EVC2: variants seen among roughly 807,000 people sequenced by gnomAD.
EVC2 encodes the protein EvC ciliary complex subunit 2.
EVC2 carries 148 observed loss-of-function variants against 149.3 expected under a neutral mutation model. The ratio of observed to expected loss-of-function variants is 0.99; its 90% CI spans 0.87 to 1.14. EVC2 has a LOEUF of 1.14. Among genes scored for constraint, EVC2 ranks in the 50% most tolerant of loss-of-function variants. The pLI is 0.00. For missense variants in EVC2, 1,854 were observed against 1,627.3 expected, an observed-to-expected ratio of 1.14 and a Z score of -2.40; for synonymous variants, 776 against 649.9, an observed-to-expected ratio of 1.19 and a Z score of -2.95.
intron 1 of EVC2, among the ~76,000 whole-genome samples, chr4:5,702,498 C>A (rs981541998): frequency 2.6e-5 from 4 of 152,206 alleles, no homozygotes; most frequent in African/African-American, 7.2e-5. Flanking sequence ...CCTCCACTGC[C>A]TCCTCCCCTT....
chr4:5,628,163 T>C (rs189524586), intron 12 of EVC2, among the ~76,000 whole-genome samples: 1 of 152,298 alleles, frequency 6.6e-6, no homozygotes, highest in East Asian at 1.9e-4. Context: ...GGAAGGTTTG[T>C]GTCAGGCAGT....
At chr4:5,703,221 C>T (rs893519180) in intron 1 of EVC2, among the ~76,000 whole-genome samples, 6 of 152,148 alleles carry the variant, frequency 3.9e-5, no homozygotes, top group Non-Finnish European at 8.8e-5. Context: ...ATTGATGTTC[C>T]GTGAGGACTT....
intron 16 of EVC2, among the ~76,000 whole-genome samples, chr4:5,612,288 C>T (rs1163917308): frequency 6.6e-6 from 1 of 152,088 alleles, no homozygotes; most frequent in African/African-American, 2.4e-5. Flanking sequence ...AACGGCAATT[C>T]CCAGTTTTTC....
chr4:5,597,899 T>C (rs1713597685), intron 16 of EVC2, among the ~76,000 whole-genome samples: 1 of 112,408 alleles, frequency 8.9e-6, no homozygotes, highest in Non-Finnish European at 1.9e-5. Context: ...TGTACAAAAA[T>C]CACAAGCATT....
intron 14 of EVC2, among the ~76,000 whole-genome samples, chr4:5,621,316 A>C (rs1447669101): frequency 6.6e-6 from 1 of 152,214 alleles, no homozygotes; most frequent in Non-Finnish European, 1.5e-5. Flanking sequence ...TCTTACATAA[A>C]CATTGTCTTC....
At chr4:5,702,268 T>C (rs1389362191) in intron 1 of EVC2, among the ~76,000 whole-genome samples, 2 of 152,136 alleles carry the variant, frequency 1.3e-5, no homozygotes, top group Non-Finnish European at 2.9e-5. Context: ...CTCTGCCCAC[T>C]GTGTACATCT....
Position 5,685,469 on chromosome 4 carries a change from G to C in EVC2, c.717C>G (p.Ala239=). Residue 239 remains alanine, a synonymous_variant, in exon 6 of 22, where the codon GCC becomes GCG. Coordinates refer to ENST00000344408, the MANE Select transcript of EVC2 (RefSeq NM_147127.5). The part of the protein sequence containing the change: ...FSKKFLQVGD[A]FAVSYAATLQ... ...GCGTGGCTGCGTAGCTGACAGCAAA[G>C]GCATCTCCCACTGCGCAGAGAAAAG... is the stretch of plus-strand genomic sequence containing the variant. 6.2e-7 allele frequency: 1 copy of C among 1,614,166 alleles called. No homozygotes were observed. Among genetic ancestry groups the C allele is most frequent in the East Asian group, 2.2e-5 (1 of 44,884 alleles).
At position 5,677,912 on chromosome 4, in the gene EVC2, G is replaced by A. The variant is rs144517324; in HGVS notation, c.870+3348C>T. ...AACGCCAGCCTTGTACTTTCTCTTC[G>A]TCTCTTCTGTGCAGGACTCTGGCTC... On this transcript the variant is annotated intron_variant, in intron 7 of 21. Transcript: ENST00000344408. This position sits in a 1 kb window ranked among gnomAD's most constrained non-coding sequence, Gnocchi z 4.3. Among the ~76,000 whole-genome samples, 12 of 152,278 alleles carry A rather than the reference G, an allele frequency of 7.9e-5. No individual in the cohort carries two copies. The East Asian group carries it at 1.4e-3, about 17-fold the overall frequency.
intron 16 of EVC2, among the ~76,000 whole-genome samples, chr4:5,585,838 TA>T (rs1315200327): frequency 3.9e-5 from 6 of 152,022 alleles, no homozygotes; most frequent in Admixed American, 2.6e-4. Flanking sequence ...ATACGGTACA[TA>T]TTTTTTTATC....
chr4:5,578,208 C>T (rs866012877), intron 17 of EVC2, among the ~76,000 whole-genome samples: 5 of 146,760 alleles, frequency 3.4e-5, no homozygotes, highest in Non-Finnish European at 4.4e-5. Flanking sequence ...AGGTCAGGGA[C>T]TCAGGAGCAT....
In EVC2 at chr4:5,625,844, A is replaced by T; in HGVS notation, c.1951T>A (p.Ser651Thr). 1 of 1,614,000 alleles carries T rather than the reference A, an allele frequency of 6.2e-7. No homozygotes were observed. The highest frequency in any genetic ancestry group is 8.5e-7 in the Non-Finnish European group (1 of 1,179,980). ...LLERAQTEVF[S>T]IKQKLDNDLK... is the part of the protein sequence containing the mutation. ...TCATTGTCCAACTTCTGCTTGATTG[A>T]AAAGACTTCTGTCTGAGCCCGCTCC... is the stretch of plus-strand genomic sequence containing the variant. Residue 651 changes from serine (S) to threonine (T), a missense_variant, in exon 13 of 22, where the codon TCA (serine) becomes ACA (threonine). Physicochemically the swap from Ser to Thr is moderately conservative, Grantham distance 58. Transcript: ENST00000344408. This position sits in a 1 kb window ranked among gnomAD's most constrained non-coding sequence, Gnocchi z 4.0.
At chr4:5,577,557 A>G (rs1427842027) in intron 17 of EVC2, among the ~76,000 whole-genome samples, 2 of 152,282 alleles carry the variant, frequency 1.3e-5, no homozygotes, top group African/African-American at 2.4e-5. Flanking sequence ...AAAATGGTCT[A>G]ATTTTCTGCA....
chr4:5,535,603 G>GAGAGAA, the EVC2 span, among the ~76,000 whole-genome samples: 2 of 134,170 alleles, frequency 1.5e-5, no homozygotes, highest in African/African-American at 5.7e-5. This position sits in a 1 kb window ranked among gnomAD's most constrained non-coding sequence, Gnocchi z 4.7. Flanking sequence ...TGCTTAGAAA[G>GAGAGAA]AGAGAGAGAG....
intron 7 of EVC2, among the ~76,000 whole-genome samples, chr4:5,676,220 G>C (rs1719982339): frequency 6.6e-6 from 1 of 152,188 alleles, no homozygotes; most frequent in African/African-American, 2.4e-5. Flanking sequence ...GAGACAGAAA[G>C]GGGAAGACAA....
intron 21 of EVC2, among the ~76,000 whole-genome samples, chr4:5,552,444 T>C (rs546824491): frequency 3.9e-5 from 6 of 152,352 alleles, no homozygotes; most frequent in Admixed American, 3.9e-4. Flanking sequence ...GCTTATCTTT[T>C]GTAGATGTAC....
chr4:5,594,138 G>T (rs1713135103), intron 16 of EVC2, among the ~76,000 whole-genome samples: 2 of 152,186 alleles, frequency 1.3e-5, no homozygotes, highest in South Asian at 2.1e-4. Context: ...CACCTCTGGG[G>T]GCAGGGCACA....
intron 21 of EVC2, among the ~76,000 whole-genome samples, chr4:5,549,975 C>T (rs943653024): frequency 2.0e-5 from 3 of 152,156 alleles, no homozygotes; most frequent in Non-Finnish European, 4.4e-5. Context: ...CTGCTGTCAT[C>T]CATGTAATAT....
chr4:5,708,387 C>G lies in EVC2; in HGVS notation c.127G>C (p.Gly43Arg). Residue 43 changes from glycine to arginine, a missense_variant, in exon 1 of 22, where the codon GGC (glycine) becomes CGC (arginine). By Grantham distance (125) the Gly-to-Arg change is moderately radical. Transcript: ENST00000344408. The part of the protein sequence containing the change: ...ASSRPRWRPL[G>R]AQPPRDPQVA... ...TGGGGATCCCGGGGTGGCTGCGCGC[C>G]GAGGGGGCGCCAGCGGGGACGTGAG... The G allele has an allele frequency of 1.3e-6, 2 of 1,494,862 alleles. No individual in the cohort carries two copies. The highest frequency in any genetic ancestry group is 1.8e-6 in the Non-Finnish European group (2 of 1,129,650). The allele number at this position is 1,494,862 out of a possible 1,614,324, so 92.6% of individuals were successfully genotyped here. A position where few individuals can be genotyped will look rare whatever the true frequency, so the allele number is the denominator to read the frequency against.
chr4:5,695,292 G>A lies in EVC2; in HGVS notation c.284-791C>T, dbSNP rs1485919063. 2.0e-5 allele frequency among the ~76,000 whole-genome samples: 3 copies of A among 150,530 alleles called. No homozygotes were observed. In the East Asian group the frequency reaches 5.8e-4, roughly 29 times the overall value. The stretch of plus-strand genomic sequence containing the variant: ...GAACCTGGGAGGCGGAGGTTGCAGT[G>A]AGCCGAGATCATGCCACTGCACTCC... On this transcript the variant is annotated intron_variant, in intron 2 of 21. Coordinates refer to ENST00000344408, the MANE Select transcript of EVC2 (RefSeq NM_147127.5).
Sources: gnomAD v4.1 joint callset for allele counts (sites outside exome capture counted in the v4.1 genomes callset) on GRCh38, gnomAD v4.1.1 for gene constraint, Gnocchi (gnomAD v3.1) non-coding constraint, MANE v1.5 for transcripts, NCBI Gene and HGNC (gene_info 2026-07-23, HGNC 2026-07-21) for gene names.